NOX4: variants seen among roughly 807,000 people sequenced by gnomAD.
NOX4 encodes kidney oxidase-1.
Under a neutral mutation model 87.6 loss-of-function variants are expected in NOX4, and 69 were observed. The observed-to-expected ratio is 0.79, with a 90% CI of 0.65 to 0.96. NOX4 has a LOEUF of 0.96. Ranked by LOEUF, NOX4 falls within the 40% of genes least tolerant of loss-of-function variation. The pLI, the probability that NOX4 is intolerant of heterozygous loss-of-function variation, is 0.00. For synonymous variants in NOX4, 275 were observed against 238.2 expected (o/e 1.15, Z -1.42); for missense variants, 680 against 681.5 (o/e 1.00, Z 0.02).
chr11:89,422,123 C>G (rs1329408503), intron 7 of NOX4, 141 bp from the exon 8 acceptor site: 1 of 490,746 alleles, frequency 2.0e-6, no homozygotes, highest in East Asian at 3.5e-5. Context: ...CTACTAATAC[C>G]AAAGTATTAA....
intron 14 of NOX4, among the ~76,000 whole-genome samples, chr11:89,340,518 G>C (rs1945939463): frequency 6.6e-6 from 1 of 152,070 alleles, no homozygotes; most frequent in Non-Finnish European, 1.5e-5. Context: ...ATTGGGCTCT[G>C]CATCTCAGAA....
At chr11:89,404,588 C>A (rs1328673285) in intron 8 of NOX4, among the ~76,000 whole-genome samples, 1 of 152,128 alleles carries the variant, frequency 6.6e-6, no homozygotes, top group Non-Finnish European at 1.5e-5. Context: ...ACTGCATGAA[C>A]TAGGATCATT....
intron 4 of NOX4, among the ~76,000 whole-genome samples, chr11:89,446,984 A>T (rs558305033): frequency 1.3e-5 from 2 of 152,264 alleles, no homozygotes; most frequent in Non-Finnish European, 1.5e-5. Context: ...GACAAATGAT[A>T]TACAAAAACT....
intron 12 of NOX4, among the ~76,000 whole-genome samples, chr11:89,369,424 T>C (rs902420419): frequency 1.3e-5 from 2 of 152,076 alleles, no homozygotes; most frequent in African/African-American, 4.8e-5. Flanking sequence ...ACAATCTCTA[T>C]AAGAGCGGAG....
chr11:89,445,648 CA>C (rs1469428413), intron 4 of NOX4, among the ~76,000 whole-genome samples: 1 of 152,042 alleles, frequency 6.6e-6, no homozygotes, highest in African/African-American at 2.4e-5. Flanking sequence ...GGACCTGAAA[CA>C]AGGAAGCATT....
upstream of NOX4, among the ~76,000 whole-genome samples, chr11:89,499,630 TG>T (rs1215249515): frequency 6.6e-6 from 1 of 152,210 alleles, no homozygotes; most frequent in African/African-American, 2.4e-5. Context: ...TTTTTGTTTT[TG>T]TTTCCATTCT....
At chr11:89,408,184 A>G (rs1942289366) in intron 8 of NOX4, among the ~76,000 whole-genome samples, 1 of 152,122 alleles carries the variant, frequency 6.6e-6, no homozygotes, top group South Asian at 2.1e-4. Context: ...CTCCACTGCT[A>G]TTTTTCTACT....
Position 89,451,846 on chromosome 11 carries a change from C to G in NOX4, c.203G>C (p.Cys68Ser), listed in dbSNP as rs773734282. Reference protein sequence around the residue: ...RASASVLNLNCSLILLPMCRT... With the variant: ...RASASVLNLNSSLILLPMCRT... ...GCACATGGGTAAAAGGATAAGGCTGCAGTTGAGGTTAAGAACAGATGCTGA... is the reference window on the plus strand; with the variant it reads ...GCACATGGGTAAAAGGATAAGGCTGGAGTTGAGGTTAAGAACAGATGCTGA... The change falls in exon 3 of 18, where the codon TGC (cysteine) becomes TCC (serine). Residue 68 changes from cysteine to serine, a missense_variant. Coordinates refer to ENST00000263317, the MANE Select transcript of NOX4 (RefSeq NM_016931.5). 6.2e-7 allele frequency: 1 copy of G among 1,613,386 alleles called. No homozygotes were observed. The highest frequency in any genetic ancestry group is 8.5e-7 in the Non-Finnish European group (1 of 1,179,506).
chr11:89,474,134 C>A (rs951818822), intron 2 of NOX4, among the ~76,000 whole-genome samples: 2 of 152,012 alleles, frequency 1.3e-5, no homozygotes, highest in African/African-American at 4.8e-5. Flanking sequence ...ATGGCAAAAA[C>A]CACAATTACT....
At position 89,461,440 on chromosome 11, in the gene NOX4, C is replaced by G. The variant is rs539780907; in HGVS notation, c.154-9545G>C. ...CTGGCGGATCATGAGGTCAGGAGAT[C>G]GAGACCATCCTGGCTAAGACAGTGA... On this transcript the variant is annotated intron_variant, in intron 2 of 17. Transcript: ENST00000263317. Among the ~76,000 whole-genome samples, 47 of 151,814 alleles carry G rather than the reference C, an allele frequency of 3.1e-4. 1 individual carries two copies. The South Asian group carries it at 5.6e-3, about 18-fold the overall frequency.
chr11:89,502,603 T>C (rs1947034257), upstream of NOX4, among the ~76,000 whole-genome samples: 1 of 152,028 alleles, frequency 6.6e-6, no homozygotes, highest in Admixed American at 6.6e-5. Context: ...ATCATTTTGA[T>C]GAATCCACCA....
intron 2 of NOX4, among the ~76,000 whole-genome samples, chr11:89,472,504 A>G (rs1397598393): frequency 6.6e-6 from 1 of 152,186 alleles, no homozygotes; most frequent in Non-Finnish European, 1.5e-5. Flanking sequence ...CCTTATGCTT[A>G]ACTCAAATCT....
chr11:89,535,355 C>T, the NOX4 span, among the ~76,000 whole-genome samples: 3 of 152,354 alleles, frequency 2.0e-5, no homozygotes, highest in Admixed American at 6.5e-5. Flanking sequence ...TTCACTCTAA[C>T]GTTTCAGTCA....
chr11:89,492,349 G>A (rs1946879955), upstream of NOX4: 1 of 152,180 alleles, frequency 6.6e-6, no homozygotes, highest in African/African-American at 2.4e-5. Context: ...CAACTAATGA[G>A]AGACAGAAAA....
intron 6 of NOX4, among the ~76,000 whole-genome samples, chr11:89,437,163 C>A (rs1009294770): frequency 1.3e-5 from 2 of 151,804 alleles, no homozygotes; most frequent in African/African-American, 4.8e-5. Flanking sequence ...GAGTTCAAGA[C>A]CAGCCTGGCC....
intron 6 of NOX4, among the ~76,000 whole-genome samples, chr11:89,438,757 ATAT>A (rs1168481650): frequency 1.5e-5 from 1 of 65,160 alleles, no homozygotes; most frequent in Non-Finnish European, 2.4e-5. Flanking sequence ...ACTATATATA[ATAT>A]AATATAATAT....
the NOX4 span, among the ~76,000 whole-genome samples, chr11:89,569,392 C>A: frequency 6.6e-6 from 1 of 151,880 alleles, no homozygotes; most frequent in African/African-American, 2.4e-5. Context: ...AAAAAATGGG[C>A]AAAGGATATG....
chr11:89,482,695 T>G (rs1325014188), intron 2 of NOX4, among the ~76,000 whole-genome samples: 1 of 152,102 alleles, frequency 6.6e-6, no homozygotes, highest in Non-Finnish European at 1.5e-5. Flanking sequence ...AGGTATTAGT[T>G]ATACAAGTCC....
the NOX4 span, among the ~76,000 whole-genome samples, chr11:89,575,940 T>C: frequency 1.3e-5 from 2 of 152,250 alleles, no homozygotes; most frequent in South Asian, 4.1e-4. Context: ...AGAAAAGTGA[T>C]GTTTAATGTG....
Sources: allele counts gnomAD v4.1 joint callset (sites outside exome capture counted in the v4.1 genomes callset), GRCh38; gene constraint gnomAD v4.1.1; transcripts MANE v1.5; gene names NCBI Gene and HGNC (gene_info 2026-07-23, HGNC 2026-07-21).